Variants in ARFGEF3 observed in about 807,000 individuals in gnomAD.
ARFGEF3 encodes the protein ARFGEF family member 3.
In ARFGEF3, 96 loss-of-function variants were observed where a neutral mutation model predicts 221.7. That is an observed-to-expected ratio of 0.43 (90% CI 0.37 to 0.51). The LOEUF (loss-of-function observed/expected upper bound fraction) is 0.51, where lower values mean the gene tolerates loss of function less well. Ranked by LOEUF, ARFGEF3 falls within the 20% of genes least tolerant of loss-of-function variation. ARFGEF3 has a pLI of 0.00. For missense variants in ARFGEF3, 2,410 were observed against 2,789.9 expected, an observed-to-expected ratio of 0.86 and a Z score of 3.07; for synonymous variants, 1,145 against 1,126.8, an observed-to-expected ratio of 1.02 and a Z score of -0.32.
At chr6:138,203,170 G>A (rs543280265) in intron 2 of ARFGEF3, among the ~76,000 whole-genome samples, 16 of 152,254 alleles carry the variant, frequency 1.1e-4, no homozygotes, top group Admixed American at 2.6e-4. Flanking sequence ...GTGTGTGTGT[G>A]TGTGTGTTTA....
chr6:138,331,497 AT>A (rs1780226857), intron 32 of ARFGEF3, among the ~76,000 whole-genome samples: 1 of 152,258 alleles, frequency 6.6e-6, no homozygotes, highest in Non-Finnish European at 1.5e-5. Flanking sequence ...AGATTACAGC[AT>A]TTAAATAGAG....
At chr6:138,194,989 ATTT>A (rs747099029) in intron 2 of ARFGEF3, among the ~76,000 whole-genome samples, 58 of 84,096 alleles carry the variant, frequency 6.9e-4, no homozygotes, top group African/African-American at 3.2e-3. Flanking sequence ...CTTTTCCCTA[ATTT>A]TTTTTTTTTT....
At chr6:138,194,551 C>T (rs1328062887) in intron 2 of ARFGEF3, among the ~76,000 whole-genome samples, 1 of 152,174 alleles carries the variant, frequency 6.6e-6, no homozygotes, top group African/African-American at 2.4e-5. Context: ...TTCATACTGT[C>T]AGTATATCCA....
At chr6:138,163,376 T>G (rs1211525387) in intron 1 of ARFGEF3, among the ~76,000 whole-genome samples, 1 of 152,192 alleles carries the variant, frequency 6.6e-6, no homozygotes, top group Non-Finnish European at 1.5e-5. Flanking sequence ...ACCAGAAATC[T>G]GAGAGAACAG....
chr6:138,209,139 G>A (rs998252063), intron 3 of ARFGEF3, among the ~76,000 whole-genome samples: 3 of 152,156 alleles, frequency 2.0e-5, no homozygotes, highest in Non-Finnish European at 4.4e-5. Context: ...GGACATACAT[G>A]AAGATTTCTG....
At chr6:138,308,600 C>T (rs1779769167) in intron 23 of ARFGEF3, 139 bp from the exon 24 acceptor site, 2 of 899,480 alleles carry the variant, frequency 2.2e-6, no homozygotes, top group Non-Finnish European at 3.4e-6. Context: ...GCCAATGGCC[C>T]AATAAAAAAC....
intron 20 of ARFGEF3, among the ~76,000 whole-genome samples, chr6:138,294,762 T>A (rs1280672175): frequency 6.6e-6 from 1 of 152,182 alleles, no homozygotes; most frequent in Non-Finnish European, 1.5e-5. Flanking sequence ...ATAGATGGAA[T>A]TGTTCATCAA....
chr6:138,312,174 A>G (rs78003429), intron 25 of ARFGEF3, among the ~76,000 whole-genome samples: 7,634 of 152,098 alleles, frequency 0.05, 206 homozygotes, highest in African/African-American at 0.069. Context: ...ATTTTTTTTA[A>G]TCTAGTAAAG....
At chr6:138,332,906 T>C (rs1019798359) in intron 32 of ARFGEF3, among the ~76,000 whole-genome samples, 2 of 152,196 alleles carry the variant, frequency 1.3e-5, no homozygotes, top group African/African-American at 4.8e-5. Context: ...AAAGTTAACA[T>C]TGAGATTTAT....
At chr6:138,314,759 C>A (rs1040229784) in intron 26 of ARFGEF3, among the ~76,000 whole-genome samples, 3 of 152,182 alleles carry the variant, frequency 2.0e-5, no homozygotes, top group African/African-American at 7.2e-5. Flanking sequence ...TTGTAAGACT[C>A]CAGAATCATC....
At chr6:138,295,593 G>C (rs1404986241) in intron 20 of ARFGEF3, among the ~76,000 whole-genome samples, 1 of 147,614 alleles carries the variant, frequency 6.8e-6, no homozygotes, top group African/African-American at 2.5e-5. Flanking sequence ...TTGCACCACT[G>C]CACTCCAGCC....
intron 12 of ARFGEF3, among the ~76,000 whole-genome samples, chr6:138,265,735 G>A (rs575195896): frequency 3.2e-4 from 48 of 152,176 alleles, no homozygotes; most frequent in African/African-American, 1.1e-3. Context: ...CCCAAGATAT[G>A]TACAGCTTAT....
intron 26 of ARFGEF3, among the ~76,000 whole-genome samples, chr6:138,315,830 A>G (rs1212405354): frequency 6.7e-6 from 1 of 149,766 alleles, no homozygotes; most frequent in Non-Finnish European, 1.5e-5. Flanking sequence ...AGACTGGGTG[A>G]CAAAGCGAGA....
At position 138,334,387 on chromosome 6, in the gene ARFGEF3, A is replaced by G; in HGVS notation, c.5541A>G (p.Arg1847=). 1 of 1,613,284 alleles carries G rather than the reference A, an allele frequency of 6.2e-7. No homozygotes were observed. The highest frequency in any genetic ancestry group is 8.5e-7 in the Non-Finnish European group (1 of 1,179,670). Reference sequence around the variant, plus strand: ...AGGTCCTTTTTGAGGACGACGAGAGAAGCACGGATTCTTCCCAGCAGTGTT... The same window carrying G: ...AGGTCCTTTTTGAGGACGACGAGAGGAGCACGGATTCTTCCCAGCAGTGTT... ...VKKVLFEDDE[R]STDSSQQCSS... The change falls in exon 33 of 34, where the codon AGA becomes AGG. Residue 1847 remains arginine (R), a synonymous_variant. Coordinates refer to ENST00000251691, the MANE Select transcript of ARFGEF3 (RefSeq NM_020340.5). The surrounding 1 kb of genome is among the most constrained non-coding windows in gnomAD (Gnocchi z 5.1).
In ARFGEF3 at chr6:138,262,716, G is replaced by C. The variant is rs779704054; in HGVS notation, c.1233G>C (p.Met411Ile). The change falls in exon 12 of 34, where the codon ATG becomes ATC. Residue 411 changes from methionine (M) to isoleucine (I), a missense_variant. Coordinates refer to ENST00000251691, the MANE Select transcript of ARFGEF3 (RefSeq NM_020340.5). ...LDLLKLIMDGMTEACIKGGIE... is the reference protein window; with the variant it reads ...LDLLKLIMDGITEACIKGGIE... ...CACTGTTTAGCATCATGGATGGCAT[G>C]ACCGAAGCATGCATCAAGGGTGGCA... 1 of 1,603,172 alleles carries C rather than the reference G, an allele frequency of 6.2e-7. No individual in the cohort carries two copies. Among genetic ancestry groups the C allele is most frequent in the Non-Finnish European group, 8.5e-7 (1 of 1,171,246 alleles).
intron 22 of ARFGEF3, among the ~76,000 whole-genome samples, chr6:138,300,939 A>G (rs1297238002): frequency 6.6e-6 from 1 of 152,258 alleles, no homozygotes; most frequent in Non-Finnish European, 1.5e-5. Context: ...TAATCTTCAA[A>G]TTATTTCTTG....
At chr6:138,232,008 AT>A (rs1379818993) in intron 5 of ARFGEF3, among the ~76,000 whole-genome samples, 3 of 152,264 alleles carry the variant, frequency 2.0e-5, no homozygotes, top group African/African-American at 4.8e-5. Context: ...ATTATGAAAT[AT>A]CCAAGTGCTT....
intron 4 of ARFGEF3, among the ~76,000 whole-genome samples, chr6:138,227,826 G>A (rs1385071386): frequency 2.0e-5 from 3 of 152,186 alleles, no homozygotes; most frequent in Non-Finnish European, 4.4e-5. Context: ...GTGATACTGA[G>A]TACTTTAGAG....
chr6:138,264,355 GAAAT>G (rs998316083), intron 12 of ARFGEF3, among the ~76,000 whole-genome samples: 32 of 152,290 alleles, frequency 2.1e-4, no homozygotes, highest in African/African-American at 7.2e-4. Flanking sequence ...AATACAGAAA[GAAAT>G]AAATTAATGG....
Sources: gnomAD v4.1 joint callset for allele counts (sites outside exome capture counted in the v4.1 genomes callset) on GRCh38, gnomAD v4.1.1 for gene constraint, Gnocchi (gnomAD v3.1) non-coding constraint, MANE v1.5 for transcripts, NCBI Gene and HGNC (gene_info 2026-07-23, HGNC 2026-07-21) for gene names.